The following ZBTB20 variants were observed in gnomAD, a reference collection of about 807,000 sequenced individuals.
ZBTB20 encodes zinc finger and BTB domain-containing protein 20.
A neutral mutation model predicts 56.9 loss-of-function variants in ZBTB20; 9 were observed. The observed-to-expected ratio is 0.16, with a 90% CI of 0.10 to 0.28. ZBTB20 has a LOEUF of 0.28. Ranked by LOEUF, ZBTB20 falls within the 10% of genes least tolerant of loss-of-function variation. The pLI, the probability that ZBTB20 is intolerant of heterozygous loss-of-function variation, is 1.00. For missense variants in ZBTB20, 655 were observed against 1,003.0 expected, an observed-to-expected ratio of 0.65 and a Z score of 4.69; for synonymous variants, 417 against 420.7, an observed-to-expected ratio of 0.99 and a Z score of 0.11.
intron 4 of ZBTB20, among the ~76,000 whole-genome samples, chr3:114,813,898 A>C (rs898970847): frequency 1.3e-5 from 2 of 152,228 alleles, no homozygotes; most frequent in African/African-American, 4.8e-5. Flanking sequence ...AAATCTTTTA[A>C]AAATGGGAAT....
chr3:114,324,914 T>C lies in ZBTB20; in HGVS notation c.*14091A>G, dbSNP rs1340426128. On this transcript the variant is annotated 3_prime_UTR_variant, in exon 12 of 12. Transcript: ENST00000675478. ...TGCTCATACCCACACATGCATGCTGTAAGTCTCAAGAGAATCAAAGTGTAG... is the reference window on the plus strand; with the variant it reads ...TGCTCATACCCACACATGCATGCTGCAAGTCTCAAGAGAATCAAAGTGTAG... The C allele has an allele frequency of 6.6e-6, 1 of 152,120 alleles. No homozygotes were observed. Among genetic ancestry groups the C allele is most frequent in the African/African-American group, 2.4e-5 (1 of 41,426 alleles). The allele number at this position is 152,120 out of a possible 1,614,324, so 9.4% of individuals were successfully genotyped here. A position where few individuals can be genotyped will look rare whatever the true frequency, so the allele number is the denominator to read the frequency against.
chr3:115,128,960 G>A (rs954718830), intron 1 of ZBTB20, among the ~76,000 whole-genome samples: 1 of 152,050 alleles, frequency 6.6e-6, no homozygotes, highest in Non-Finnish European at 1.5e-5. Flanking sequence ...TTAGTCTGGC[G>A]TGGTGTCGGG....
At chr3:114,749,847 A>G (rs900454120) in intron 5 of ZBTB20, among the ~76,000 whole-genome samples, 10 of 152,302 alleles carry the variant, frequency 6.6e-5, no homozygotes, top group African/African-American at 2.4e-4. Flanking sequence ...CATCTCACAA[A>G]ATTGTTTTAA....
At chr3:114,837,736 T>C (rs988746591) in intron 4 of ZBTB20, among the ~76,000 whole-genome samples, 2 of 152,054 alleles carry the variant, frequency 1.3e-5, no homozygotes, top group Admixed American at 1.3e-4. Context: ...CTGTCCTTTA[T>C]TAAAAATGAG....
chr3:114,748,486 T>C (rs2067295059), intron 5 of ZBTB20, among the ~76,000 whole-genome samples: 1 of 151,802 alleles, frequency 6.6e-6, no homozygotes, highest in Non-Finnish European at 1.5e-5. Flanking sequence ...CGAGATCCTT[T>C]TAGAGGTTCT....
At chr3:114,974,270 TAAAAG>T (rs530681628) in intron 3 of ZBTB20, 91 bp downstream of exon 3, 47 of 151,930 alleles carry the variant, frequency 3.1e-4, no homozygotes, top group Non-Finnish European at 4.6e-4. Context: ...AATAATAAAA[TAAAAG>T]AAAAGTTGAG....
intron 7 of ZBTB20, among the ~76,000 whole-genome samples, chr3:114,444,300 A>G (rs549676563): frequency 1.3e-5 from 2 of 152,126 alleles, no homozygotes; most frequent in Non-Finnish European, 2.9e-5. Flanking sequence ...TGTGAGATAC[A>G]AGGCTATGGA....
At chr3:114,998,286 G>A (rs962473008) in intron 2 of ZBTB20, among the ~76,000 whole-genome samples, 4 of 151,492 alleles carry the variant, frequency 2.6e-5, no homozygotes, top group East Asian at 1.9e-4. Flanking sequence ...TTTTTTGTAC[G>A]TCTTTGTATC....
At chr3:115,033,855 C>G (rs1174877872) in intron 2 of ZBTB20, among the ~76,000 whole-genome samples, 1 of 151,632 alleles carries the variant, frequency 6.6e-6, no homozygotes, top group Non-Finnish European at 1.5e-5. Context: ...AAATCCTTAA[C>G]AAATTATAGC....
At chr3:114,917,164 G>T (rs2075777144) in intron 3 of ZBTB20, among the ~76,000 whole-genome samples, 2 of 152,066 alleles carry the variant, frequency 1.3e-5, no homozygotes, top group Admixed American at 1.3e-4. Flanking sequence ...AGAGGCTGCT[G>T]CATTCTTCAG....
rs1004176653 is a variant in ZBTB20 at position 114,949,360 on chromosome 3, G to T, written c.-456+25006C>A. Among the ~76,000 whole-genome samples the T allele has an allele frequency of 1.4e-5, 2 of 146,404 alleles. 1 individual carries two copies. Among genetic ancestry groups the T allele is most frequent in the African/African-American group, 5.5e-5 (2 of 36,122 alleles). The stretch of plus-strand genomic sequence containing the variant: ...GAAATGTCTTTATGACATTAAGGTA[G>T]GCAAAAGCTTTTCCATTTTTTTGTT... On this transcript the variant is annotated intron_variant, in intron 3 of 11. Transcript: ENST00000675478.
At chr3:114,822,134 C>T (rs2073287655) in intron 4 of ZBTB20, among the ~76,000 whole-genome samples, 1 of 152,076 alleles carries the variant, frequency 6.6e-6, no homozygotes, top group East Asian at 1.9e-4. Context: ...AATATTAGAG[C>T]ATATTGCACA....
intron 6 of ZBTB20, among the ~76,000 whole-genome samples, chr3:114,564,220 C>A (rs1354507201): frequency 6.6e-6 from 1 of 152,088 alleles, no homozygotes; most frequent in African/African-American, 2.4e-5. Flanking sequence ...TCATATTAGG[C>A]CTAACCAGAT....
chr3:114,416,836 TGA>T lies in ZBTB20; in HGVS notation c.-254-27733_-254-27732del, dbSNP rs559587289. 1.9e-3 allele frequency among the ~76,000 whole-genome samples: 296 copies of T among 152,168 alleles called. 1 individual carries two copies. Among genetic ancestry groups the T allele is most frequent in the African/African-American group, 6.9e-3 (288 of 41,562 alleles). ...TTTACTTCCAAATTTAAGAAAATATTGAGTTTTGTAGGTCATTTATTTACTAT... is the reference window on the plus strand; with the variant it reads ...TTTACTTCCAAATTTAAGAAAATATTGTTTTGTAGGTCATTTATTTACTAT... On this transcript the variant is annotated intron_variant, in intron 7 of 11. Coordinates refer to ENST00000675478, the MANE Select transcript of ZBTB20 (RefSeq NM_001348800.3).
intron 11 of ZBTB20, among the ~76,000 whole-genome samples, chr3:114,349,692 C>T (rs1450822999): frequency 6.6e-6 from 1 of 152,166 alleles, no homozygotes; most frequent in African/African-American, 2.4e-5. Context: ...ATGTCTCCTC[C>T]TCTTAACCAT....
intron 1 of ZBTB20, among the ~76,000 whole-genome samples, chr3:115,133,673 C>T (rs1263246953): frequency 1.3e-5 from 2 of 152,090 alleles, no homozygotes; most frequent in Non-Finnish European, 2.9e-5. Context: ...AGTATGTTTT[C>T]AAGGTTCATC....
intron 4 of ZBTB20, among the ~76,000 whole-genome samples, chr3:114,830,462 C>T (rs2073781935): frequency 6.6e-6 from 1 of 151,860 alleles, no homozygotes; most frequent in African/African-American, 2.4e-5. Context: ...CTTCCTTTCC[C>T]AAATAAGAGA....
In ZBTB20 at chr3:114,743,274, A is replaced by G. The variant is rs118149356; in HGVS notation, c.-342-49699T>C. Among the ~76,000 whole-genome samples the G allele has an allele frequency of 9.9e-5, 15 of 152,198 alleles. No homozygotes were observed. In the East Asian group the frequency reaches 2.9e-3, roughly 30 times the overall value. On this transcript the variant is annotated intron_variant, in intron 5 of 11. Transcript: ENST00000675478. The stretch of plus-strand genomic sequence containing the variant: ...AATGGCTTCCTCCTCTCCTTTCACA[A>G]ATGCAATAGGGTAGCCACTGGATCT...
chr3:114,738,521 C>A (rs1433280780), intron 5 of ZBTB20, among the ~76,000 whole-genome samples: 1 of 152,072 alleles, frequency 6.6e-6, no homozygotes, highest in Admixed American at 6.6e-5. Context: ...TTCTTGCTTA[C>A]CCTTATAGAT....
Sources: allele counts gnomAD v4.1 joint callset (sites outside exome capture counted in the v4.1 genomes callset), GRCh38; gene constraint gnomAD v4.1.1; transcripts MANE v1.5; gene names NCBI Gene and HGNC (gene_info 2026-07-23, HGNC 2026-07-21).